CREBBP: variants seen among roughly 807,000 people sequenced by gnomAD.
CREBBP encodes CREB-binding protein.
In CREBBP, 19 loss-of-function variants were observed where a neutral mutation model predicts 265.0. That is an observed-to-expected ratio of 0.07 (90% confidence interval 0.05 to 0.11). The LOEUF (loss-of-function observed/expected upper bound fraction) is 0.11. Among genes scored for constraint, CREBBP ranks in the 10% least tolerant of loss-of-function variants. The pLI is 1.00. For missense variants in CREBBP, 2,525 were observed against 3,219.0 expected, an observed-to-expected ratio of 0.78 and a Z score of 5.22; for synonymous variants, 1,457 against 1,223.7, an observed-to-expected ratio of 1.19 and a Z score of -3.98.
intron 1 of CREBBP, among the ~76,000 whole-genome samples, chr16:3,858,215 G>A (rs903815253): frequency 6.6e-6 from 1 of 152,152 alleles, no homozygotes; most frequent in Admixed American, 6.5e-5. Flanking sequence ...CCAGGTGGGT[G>A]GCTAAATCAA....
intron 4 of CREBBP, 130 bp downstream of exon 4, chr16:3,793,256 G>A: frequency 2.4e-6 from 3 of 1,263,044 alleles, no homozygotes; most frequent in Non-Finnish European, 3.4e-6. Context: ...AGCGCAACAT[G>A]TCTTGCCACA....
rs531036432 is a variant in CREBBP, at chr16:3,810,483, C to T, written c.975+120G>A. 6.9e-5 allele frequency: 83 copies of T among 1,196,944 alleles called. No homozygotes were observed. The African/African-American group carries it at 1.1e-3, about 15-fold the overall frequency. The allele number at this position is 1,196,944 out of a possible 1,614,324, so 74.1% of individuals were successfully genotyped here. A position where few individuals can be genotyped will look rare whatever the true frequency, so the allele number is the denominator to read the frequency against. On this transcript the variant is annotated intron_variant, in intron 3 of 30. Coordinates refer to ENST00000262367, the MANE Select transcript of CREBBP (RefSeq NM_004380.3). Reference sequence around the variant, plus strand: ...GAGCTACTCATGAGAAATCTGGGTTCTCTTCCTATCACCTACTGACACACT... The same window carrying T: ...GAGCTACTCATGAGAAATCTGGGTTTTCTTCCTATCACCTACTGACACACT...
Position 3,767,808 on chromosome 16 carries a change from T to C in CREBBP, c.3162A>G (p.Glu1054=), listed in dbSNP as rs1279208250. ...EPMEVDEKKP[E]VKVEVKEEEE... ...CTTCCTCTTTAACTTCTACTTTCAC[T>C]TCAGGTTTCTTTTCATCCACTTCCA... Residue 1054 remains glutamate, a synonymous_variant, in exon 16 of 31, where the codon GAA becomes GAG. Transcript: ENST00000262367. 1 of 1,614,214 alleles carries C rather than the reference T, an allele frequency of 6.2e-7. No individual in the cohort carries two copies. The highest frequency in any genetic ancestry group is 1.1e-5 in the South Asian group (1 of 91,090).
chr16:3,830,999 G>C (rs1240081280), intron 2 of CREBBP, among the ~76,000 whole-genome samples: 1 of 152,168 alleles, frequency 6.6e-6, no homozygotes, highest in Non-Finnish European at 1.5e-5. Context: ...CGTTGGCCAG[G>C]CTGGTCTAAA....
At chr16:3,813,500 A>G (rs2141356026) in intron 2 of CREBBP, among the ~76,000 whole-genome samples, 1 of 152,270 alleles carries the variant, frequency 6.6e-6, no homozygotes, top group Admixed American at 6.5e-5. Context: ...AACACTTACT[A>G]CTCTCAGAAT....
intron 2 of CREBBP, among the ~76,000 whole-genome samples, chr16:3,814,403 C>T (rs1388485726): frequency 6.6e-6 from 1 of 152,104 alleles, no homozygotes; most frequent in Non-Finnish European, 1.5e-5. Flanking sequence ...CACAGGCATG[C>T]ACCACCACAC....
intron 17 of CREBBP, 101 bp downstream of exon 17, chr16:3,758,753 C>T: frequency 1.1e-6 from 1 of 934,194 alleles, no homozygotes; most frequent in East Asian, 2.4e-5. Context: ...GAACAATCTT[C>T]AAGGCAGGGG....
intron 1 of CREBBP, among the ~76,000 whole-genome samples, chr16:3,859,592 G>A (rs2055031907): frequency 6.6e-6 from 1 of 152,178 alleles, no homozygotes; most frequent in Non-Finnish European, 1.5e-5. Flanking sequence ...AGGCATGACT[G>A]ATTAGAGGAC....
chr16:3,778,509 A>G (rs566441015), intron 9 of CREBBP, among the ~76,000 whole-genome samples, 191 bp downstream of exon 9: 14 of 152,202 alleles, frequency 9.2e-5, no homozygotes, highest in Non-Finnish European at 1.9e-4. Flanking sequence ...CCATGCACCA[A>G]TGTAGCTAAT....
chr16:3,866,717 A>G (rs1389167191), intron 1 of CREBBP, among the ~76,000 whole-genome samples: 2 of 152,158 alleles, frequency 1.3e-5, no homozygotes, highest in Non-Finnish European at 2.9e-5. Flanking sequence ...TCTCTAGCTC[A>G]ACCCCGAAAA....
intron 26 of CREBBP, 80 bp from the exon 27 acceptor site, chr16:3,736,895 A>C: frequency 6.5e-7 from 1 of 1,542,424 alleles, no homozygotes; most frequent in African/African-American, 1.4e-5. Flanking sequence ...GCAGAGGAGC[A>C]AGGACTAAAG....
In CREBBP at chr16:3,812,551, G is replaced by A. The variant is rs759446971; in HGVS notation, c.799-1772C>T. Among the ~76,000 whole-genome samples, 18 of 151,500 alleles carry A rather than the reference G, an allele frequency of 1.2e-4. No individual in the cohort carries two copies. In the East Asian group the frequency reaches 3.5e-3, roughly 29 times the overall value. On this transcript the variant is annotated intron_variant, in intron 2 of 30. Coordinates refer to ENST00000262367, the MANE Select transcript of CREBBP (RefSeq NM_004380.3). ...ATCAAATATATACTAGATAAAGGCA[G>A]GAATGGGAAAGAGGAACCCTCAGCT...
intron 28 of CREBBP, among the ~76,000 whole-genome samples, chr16:3,735,597 G>A (rs1210289771): frequency 6.6e-6 from 1 of 152,228 alleles, no homozygotes; most frequent in East Asian, 1.9e-4. Flanking sequence ...GCCTGGCCAG[G>A]GATGGGGTTT....
At chr16:3,831,682 T>C (rs552832460) in intron 2 of CREBBP, among the ~76,000 whole-genome samples, 62 of 152,286 alleles carry the variant, frequency 4.1e-4, no homozygotes, top group African/African-American at 1.4e-3. Context: ...GACATTATTA[T>C]AAATTCTATC....
At chr16:3,781,371 A>G (rs1336994219) in intron 6 of CREBBP, 65 bp from the exon 7 acceptor site, 13 of 1,294,696 alleles carry the variant, frequency 1.0e-5, no homozygotes, top group African/African-American at 1.5e-5. Flanking sequence ...AGTTTTGATG[A>G]CAGATAACCA....
intron 19 of CREBBP, among the ~76,000 whole-genome samples, chr16:3,754,319 A>G (rs1216872409): frequency 6.6e-6 from 1 of 152,228 alleles, no homozygotes; most frequent in African/African-American, 2.4e-5. Flanking sequence ...CAACCCTGGC[A>G]GTCTATGAGT....
intron 1 of CREBBP, among the ~76,000 whole-genome samples, chr16:3,859,140 T>A (rs554141091): frequency 5.9e-5 from 9 of 152,312 alleles, no homozygotes; most frequent in Non-Finnish European, 1.3e-4. Flanking sequence ...TTCCACCCTG[T>A]CTCCTGGCAT....
At chr16:3,771,111 C>T (rs2052997657) in intron 13 of CREBBP, 125 bp from the exon 14 acceptor site, 2 of 1,023,644 alleles carry the variant, frequency 2.0e-6, no homozygotes, top group African/African-American at 3.2e-5. Flanking sequence ...TCTTGTCGCC[C>T]AGGCTGCAAT....
At chr16:3,849,444 T>G (rs1184421544) in intron 2 of CREBBP, among the ~76,000 whole-genome samples, 78 of 24,822 alleles carry the variant, frequency 3.1e-3, no homozygotes, top group Middle Eastern at 0.024. Flanking sequence ...TGTGTGTGTG[T>G]GTGTGTGTGT....
Sources: gnomAD v4.1 joint callset for allele counts (sites outside exome capture counted in the v4.1 genomes callset) on GRCh38, gnomAD v4.1.1 for gene constraint, MANE v1.5 for transcripts, NCBI Gene and HGNC (gene_info 2026-07-23, HGNC 2026-07-21) for gene names.